Variants in MEAK7 observed in about 807,000 individuals in gnomAD.
MEAK7 encodes the protein MTOR associated protein MEAK7.
A neutral mutation model predicts 40.5 loss-of-function variants in MEAK7; 68 were observed. That is an observed-to-expected ratio of 1.68 (90% CI 1.38 to 2.06). The LOEUF is 2.06. Among genes scored for constraint, MEAK7 ranks in the 30% most tolerant of loss-of-function variants. The pLI is 0.00. For missense variants in MEAK7, 918 were observed against 580.5 expected (o/e 1.58, Z -5.98); for synonymous variants, 338 against 231.9 (o/e 1.46, Z -4.16).
chr16:84,478,129 A>G lies in MEAK7; in HGVS notation c.*1784T>C, dbSNP rs1912202026. The G allele has an allele frequency of 6.6e-6, 1 of 150,652 alleles. No individual in the cohort carries two copies. The highest frequency in any genetic ancestry group is 2.1e-4 in the South Asian group (1 of 4,818). 9.3% of individuals were successfully genotyped at this position (150,652 alleles called of 1,614,324 possible). On this transcript the variant is annotated 3_prime_UTR_variant, in exon 8 of 8. Coordinates refer to ENST00000343629, the MANE Select transcript of MEAK7 (RefSeq NM_020947.4). ...TTTTTATAAAAAACATTGCAAAACA[A>G]AGTGACAATAGGGACCTAAATTCTT...
intron 3 of MEAK7, among the ~76,000 whole-genome samples, chr16:84,490,653 G>GGTGTGTGT (rs571630201): frequency 0.031 from 3,255 of 104,424 alleles, 128 homozygotes; most frequent in African/African-American, 0.078. Context: ...AGCTAATCAA[G>GGTGTGTGT]ATGTGTGTGT....
intron 3 of MEAK7, among the ~76,000 whole-genome samples, chr16:84,491,558 T>C (rs1309102749): frequency 1.3e-5 from 1 of 79,310 alleles, no homozygotes; most frequent in Non-Finnish European, 2.8e-5. Flanking sequence ...AAAAAAAACG[T>C]CTGGGCACGG....
chr16:84,489,976 AG>A (rs1471480546), intron 3 of MEAK7, among the ~76,000 whole-genome samples: 2 of 152,284 alleles, frequency 1.3e-5, no homozygotes, highest in East Asian at 3.9e-4. Context: ...CCCCACTCCT[AG>A]GAAAGTAGAT....
rs777588411 is a variant in MEAK7, at chr16:84,478,220, G to C, written c.*1693C>G. On this transcript the variant is annotated 3_prime_UTR_variant, in exon 8 of 8. Transcript: ENST00000343629. ...CTTCTGCCAACATGTCAGGTAGGAA[G>C]CTCACAATGTTCCCCATAAGCCATT... The C allele has an allele frequency of 2.0e-5, 3 of 152,164 alleles. No individual in the cohort carries two copies. The highest frequency in any genetic ancestry group is 4.4e-5 in the Non-Finnish European group (3 of 68,034). The allele number at this position is 152,164 out of a possible 1,614,324, so 9.4% of individuals were successfully genotyped here. A position where few individuals can be genotyped will look rare whatever the true frequency, so the allele number is the denominator to read the frequency against.
At position 84,504,619 on chromosome 16, in the gene MEAK7, G is replaced by A. The variant is rs1003961065; in HGVS notation, c.-44C>T. 1.2e-5 allele frequency: 12 copies of A among 985,572 alleles called. No individual in the cohort carries two copies. Among genetic ancestry groups the A allele is most frequent in the Admixed American group, 6.1e-5 (1 of 16,280 alleles). The allele number at this position is 985,572 out of a possible 1,614,324, so 61.1% of individuals were successfully genotyped here. On this transcript the variant is annotated 5_prime_UTR_variant, in exon 1 of 8. Coordinates refer to ENST00000343629, the MANE Select transcript of MEAK7 (RefSeq NM_020947.4). ...TACCTACCCTGCCGGGCTTCCTGGT[G>A]CTGTCCGGTCCGGTCCAGCAGCCCA...
intron 5 of MEAK7, among the ~76,000 whole-genome samples, chr16:84,484,708 T>G (rs1312042374): frequency 1.3e-5 from 2 of 152,146 alleles, no homozygotes; most frequent in African/African-American, 4.8e-5. Context: ...ATTAAATCAC[T>G]TAAAGTCTCA....
chr16:84,496,020 G>C (rs531314454), intron 2 of MEAK7, 107 bp from the exon 3 acceptor site: 10 of 1,260,394 alleles, frequency 7.9e-6, no homozygotes, highest in African/African-American at 1.5e-5. Flanking sequence ...TCCTTGGGAA[G>C]TTTTCGTTTT....
chr16:84,500,745 C>T (rs1229935341), intron 1 of MEAK7, among the ~76,000 whole-genome samples: 1 of 152,128 alleles, frequency 6.6e-6, no homozygotes, highest in Non-Finnish European at 1.5e-5. Flanking sequence ...CGGCTGTCCC[C>T]AGCTCTGAAA....
Position 84,486,756 on chromosome 16 carries a change from C to T in MEAK7, c.833G>A (p.Ser278Asn). Reference sequence around the variant, plus strand: ...GATGTGGCCACAGAGCTGGGAGAAGCTGTGTCCATGGAGCTCAGACGAAAA... The same window carrying T: ...GATGTGGCCACAGAGCTGGGAGAAGTTGTGTCCATGGAGCTCAGACGAAAA... ...LLFSSELHGHSFSQLCGHITH... is the reference protein window; with the variant it reads ...LLFSSELHGHNFSQLCGHITH... Residue 278 changes from serine to asparagine, a missense_variant, in exon 5 of 8, where the codon AGC becomes AAC. Ser to Asn is a conservative substitution (Grantham distance 46). Transcript: ENST00000343629. 1 of 1,614,038 alleles carries T rather than the reference C, an allele frequency of 6.2e-7. No individual in the cohort carries two copies. Among genetic ancestry groups the T allele is most frequent in the Non-Finnish European group, 8.5e-7 (1 of 1,179,898 alleles).
At position 84,501,039 on chromosome 16, in the gene MEAK7, G is replaced by A. The variant is rs534803352; in HGVS notation, c.-25-2928C>T. Among the ~76,000 whole-genome samples the A allele has an allele frequency of 1.7e-4, 25 of 143,888 alleles. No individual in the cohort carries two copies. In the South Asian group the frequency reaches 4.4e-3, roughly 25 times the overall value. The allele number at this position is 143,888 out of a possible 152,430, so 94.4% of individuals were successfully genotyped here. The stretch of plus-strand genomic sequence containing the variant: ...GAACACGGACAGCGGAAGTCGCAGT[G>A]AGCCGAGACCACGCCACTACACTCC... On this transcript the variant is annotated intron_variant, in intron 1 of 7. Transcript: ENST00000343629.
intron 6 of MEAK7, among the ~76,000 whole-genome samples, chr16:84,481,358 G>A (rs899252): frequency 0.32 from 47,968 of 152,164 alleles, 8,877 homozygotes; most frequent in Middle Eastern, 0.46. Flanking sequence ...CCAGAGACCC[G>A]AGCACACTGC....
At chr16:84,500,491 T>G (rs1220098669) in intron 1 of MEAK7, among the ~76,000 whole-genome samples, 2 of 152,224 alleles carry the variant, frequency 1.3e-5, no homozygotes, top group Admixed American at 6.5e-5. Flanking sequence ...TCGCAGCGGA[T>G]GGGCCTTTAA....
chr16:84,479,998 G>T lies in MEAK7; in HGVS notation c.1286C>A (p.Ala429Glu). Residue 429 changes from alanine (A) to glutamate (E), a missense_variant, in exon 8 of 8, where the codon GCG becomes GAG. Ala to Glu is a moderately radical substitution (Grantham distance 107). Transcript: ENST00000343629. The stretch of plus-strand genomic sequence containing the variant: ...CAGCAGGGCCTGGGCCTCAGGGTCC[G>T]CATCCAGGATGCTCTTGTTGCCCTT... ...LAKGNKSILDADPEAQALLEI... is the reference protein window; with the variant it reads ...LAKGNKSILDEDPEAQALLEI... 2 of 1,606,938 alleles carry T rather than the reference G, an allele frequency of 1.2e-6. No individual in the cohort carries two copies. Among genetic ancestry groups the T allele is most frequent in the Non-Finnish European group, 1.7e-6 (2 of 1,175,108 alleles).
intron 4 of MEAK7, chr16:84,487,486 A>G: frequency 6.2e-6 from 1 of 162,414 alleles, no homozygotes. Context: ...TCGAGATGGC[A>G]GTGCCCTGGC....
chr16:84,480,103 C>G (rs1047499417), intron 7 of MEAK7, 77 bp from the exon 8 acceptor site: 1 of 1,222,796 alleles, frequency 8.2e-7, no homozygotes, highest in Non-Finnish European at 1.1e-6. Context: ...AGTTTTCCAG[C>G]CTTCTTGGGT....
intron 5 of MEAK7, 69 bp from the exon 6 acceptor site, chr16:84,482,779 CGG>C: frequency 1.3e-6 from 2 of 1,590,568 alleles, no homozygotes; most frequent in Non-Finnish European, 1.7e-6. Flanking sequence ...CCGGAAATGC[CGG>C]TAAGCTGCAG....
chr16:84,499,645 C>T (rs750556879), intron 1 of MEAK7, among the ~76,000 whole-genome samples: 5 of 152,210 alleles, frequency 3.3e-5, no homozygotes, highest in Admixed American at 6.5e-5. Flanking sequence ...ACCCTGTACA[C>T]GAGCAATCTC....
At chr16:84,491,682 C>CA (rs1439405745) in intron 3 of MEAK7, among the ~76,000 whole-genome samples, 39 of 150,486 alleles carry the variant, frequency 2.6e-4, no homozygotes, top group Admixed American at 2.6e-3. Context: ...ACTAAAAGTA[C>CA]AAAAAATTAC....
In MEAK7 at chr16:84,497,939, G is replaced by A. The variant is rs1047817695; in HGVS notation, c.148C>T (p.Leu50=). 1.2e-6 allele frequency: 2 copies of A among 1,614,086 alleles called. No homozygotes were observed. The highest frequency in any genetic ancestry group is 1.7e-6 in the Non-Finnish European group (2 of 1,180,038). ...VSSKSFSLKA[L]QNHVGEALPP... is the part of the protein sequence containing the mutation. Reference sequence around the variant, plus strand: ...CCACGGGTTGTTACTCTTGCCTGTAGTGCCTTCAGAGAGAAGGATTTGGAT... The same window carrying A: ...CCACGGGTTGTTACTCTTGCCTGTAATGCCTTCAGAGAGAAGGATTTGGAT... The change falls in exon 2 of 8, where the codon CTA becomes TTA. Residue 50 remains leucine, a synonymous_variant. Coordinates refer to ENST00000343629, the MANE Select transcript of MEAK7 (RefSeq NM_020947.4).
Sources: allele counts gnomAD v4.1 joint callset (sites outside exome capture counted in the v4.1 genomes callset), GRCh38; gene constraint gnomAD v4.1.1; transcripts MANE v1.5; gene names NCBI Gene and HGNC (gene_info 2026-07-23, HGNC 2026-07-21).